CAMK2D: variants seen among roughly 807,000 people sequenced by gnomAD.
CAMK2D encodes the protein calcium/calmodulin-dependent protein kinase type II subunit delta.
A neutral mutation model predicts 84.0 loss-of-function variants in CAMK2D; 37 were observed. The ratio of observed to expected loss-of-function variants is 0.44; its 90% CI spans 0.34 to 0.58. The LOEUF (loss-of-function observed/expected upper bound fraction) is 0.58. CAMK2D is among the 20% of genes least tolerant of loss of function. The probability of loss-of-function intolerance (pLI) is 0.02; values close to 1 mark genes in which losing one functional copy is unlikely to be tolerated. For missense variants in CAMK2D, 448 were observed against 652.5 expected (o/e 0.69, Z 3.41); for synonymous variants, 202 against 212.5 (o/e 0.95, Z 0.43).
rs533212002 is a variant in CAMK2D, at chr4:113,588,388, A to G, written c.275+20764T>C. Among the ~76,000 whole-genome samples the G allele has an allele frequency of 3.3e-5, 5 of 152,342 alleles. No individual in the cohort carries two copies. In the East Asian group the frequency reaches 9.6e-4, roughly 29 times the overall value. On this transcript the variant is annotated intron_variant, in intron 4 of 20. Coordinates refer to ENST00000511664, the MANE Select transcript of CAMK2D (RefSeq NM_001321571.2). ...AAAAATCATATTTCAATTTAAGTACATCATAAATACCATGTGAGACAACAC... is the reference window on the plus strand; with the variant it reads ...AAAAATCATATTTCAATTTAAGTACGTCATAAATACCATGTGAGACAACAC...
intron 7 of CAMK2D, 57 bp from the exon 8 acceptor site, chr4:113,531,356 G>C: frequency 1.1e-6 from 1 of 887,644 alleles, no homozygotes; most frequent in Non-Finnish European, 1.9e-6. Flanking sequence ...ATATGAAATG[G>C]GAAACTAAGA....
chr4:113,524,580 T>C (rs79249320), intron 8 of CAMK2D, among the ~76,000 whole-genome samples: 3,748 of 152,288 alleles, frequency 0.025, 130 homozygotes, highest in African/African-American at 0.085. Flanking sequence ...CTGGTTGTTG[T>C]GAATAGTGTT....
At chr4:113,607,623 G>T (rs752559726) in intron 4 of CAMK2D, among the ~76,000 whole-genome samples, 2 of 150,454 alleles carry the variant, frequency 1.3e-5, no homozygotes, top group African/African-American at 4.9e-5. Flanking sequence ...CCCTGTCCCC[G>T]CCCGCAAGAG....
chr4:113,534,280 C>A (rs574430701), intron 7 of CAMK2D, among the ~76,000 whole-genome samples: 1 of 152,086 alleles, frequency 6.6e-6, no homozygotes, highest in African/African-American at 2.4e-5. Context: ...AAACGTAGAA[C>A]ACCACATCTC....
chr4:113,470,958 T>C (rs886262626), intron 16 of CAMK2D, among the ~76,000 whole-genome samples: 1 of 152,220 alleles, frequency 6.6e-6, no homozygotes, highest in Non-Finnish European at 1.5e-5. Flanking sequence ...AAATATATGA[T>C]GGTACATTAT....
chr4:113,749,598 T>A (rs1470544921), intron 2 of CAMK2D, among the ~76,000 whole-genome samples: 1 of 152,214 alleles, frequency 6.6e-6, no homozygotes, highest in African/African-American at 2.4e-5. Context: ...TGGATCAAAA[T>A]TTTTTTAAAC....
At chr4:113,514,985 G>A (rs948035069) in intron 10 of CAMK2D, 84 bp downstream of exon 10, 2 of 1,228,492 alleles carry the variant, frequency 1.6e-6, no homozygotes, top group Non-Finnish European at 2.3e-6. Context: ...TTTTTGCAAA[G>A]CTATTTTAAA....
chr4:113,736,292 T>C (rs1438691476), intron 2 of CAMK2D, among the ~76,000 whole-genome samples: 2 of 152,176 alleles, frequency 1.3e-5, no homozygotes, highest in African/African-American at 4.8e-5. Flanking sequence ...AATACAGTTT[T>C]ACTCTATCTA....
At chr4:113,537,637 G>C (rs2098502556) in intron 6 of CAMK2D, among the ~76,000 whole-genome samples, 194 bp from the exon 7 acceptor site, 1 of 152,160 alleles carries the variant, frequency 6.6e-6, no homozygotes, top group African/African-American at 2.4e-5. Flanking sequence ...GCAGGCTTCA[G>C]ACAGATGCAT....
At chr4:113,489,617 T>C (rs1308042836) in intron 16 of CAMK2D, among the ~76,000 whole-genome samples, 2 of 149,342 alleles carry the variant, frequency 1.3e-5, no homozygotes, top group African/African-American at 5.0e-5. Context: ...TGCATGTGTC[T>C]TTATAGCAGC....
At chr4:113,692,105 G>A (rs1426848234) in intron 2 of CAMK2D, among the ~76,000 whole-genome samples, 1 of 152,144 alleles carries the variant, frequency 6.6e-6, no homozygotes, top group African/African-American at 2.4e-5. Flanking sequence ...TCTAAGAGAA[G>A]ATTATCTCTA....
chr4:113,621,422 T>C (rs2099045768), intron 3 of CAMK2D, among the ~76,000 whole-genome samples: 1 of 152,198 alleles, frequency 6.6e-6, no homozygotes, highest in Non-Finnish European at 1.5e-5. Context: ...CCTCTATTCT[T>C]AAGCAAACTA....
chr4:113,484,320 G>A (rs1275948843), intron 16 of CAMK2D, among the ~76,000 whole-genome samples: 1 of 152,200 alleles, frequency 6.6e-6, no homozygotes, highest in Admixed American at 6.5e-5. Flanking sequence ...GCTTTAAAAT[G>A]TCTCTATCTC....
chr4:113,753,988 A>C (rs1237791487), intron 2 of CAMK2D: 3 of 971,620 alleles, frequency 3.1e-6, no homozygotes, highest in Non-Finnish European at 3.7e-6. Flanking sequence ...TTAGGTAGAT[A>C]GCCTTTATTT....
intron 2 of CAMK2D, among the ~76,000 whole-genome samples, chr4:113,688,897 T>C (rs180674948): frequency 0.015 from 478 of 31,932 alleles, 5 homozygotes; most frequent in African/African-American, 0.046. Context: ...CAGATTAATA[T>C]ACAAAGAAGA....
chr4:113,510,247 C>A (rs772482340), intron 12 of CAMK2D, among the ~76,000 whole-genome samples: 14 of 152,074 alleles, frequency 9.2e-5, no homozygotes, highest in Non-Finnish European at 1.5e-4. Context: ...TGGCTTAGAG[C>A]AAATTTTTAA....
chr4:113,607,750 C>G (rs2098984196), intron 4 of CAMK2D, among the ~76,000 whole-genome samples: 1 of 152,180 alleles, frequency 6.6e-6, no homozygotes, highest in South Asian at 2.1e-4. Context: ...ACCCAGGTGA[C>G]TAAAAAGCGT....
chr4:113,580,477 A>G (rs759207912), intron 4 of CAMK2D, among the ~76,000 whole-genome samples: 6 of 152,206 alleles, frequency 3.9e-5, no homozygotes, highest in Non-Finnish European at 8.8e-5. Flanking sequence ...CGTAGATATA[A>G]CTGTCTCTCT....
chr4:113,659,974 A>T (rs1178437305), intron 3 of CAMK2D, among the ~76,000 whole-genome samples: 2 of 152,308 alleles, frequency 1.3e-5, no homozygotes, highest in East Asian at 3.9e-4. Context: ...CATAGTATCC[A>T]TTCATTTAAG....
Sources: gnomAD v4.1 joint callset for allele counts (sites outside exome capture counted in the v4.1 genomes callset) on GRCh38, gnomAD v4.1.1 for gene constraint, MANE v1.5 for transcripts, NCBI Gene and HGNC (gene_info 2026-07-23, HGNC 2026-07-21) for gene names.